TOMM20L: variants seen among roughly 807,000 people sequenced by gnomAD.
TOMM20L encodes the protein TOMM20-like protein 1.
Under a neutral mutation model 20.4 loss-of-function variants are expected in TOMM20L, and 19 were observed. The observed-to-expected ratio is 0.93, with a 90% CI of 0.65 to 1.36. The LOEUF (loss-of-function observed/expected upper bound fraction) is 1.36, where lower values mean the gene tolerates loss of function less well. TOMM20L is among the 40% of genes most tolerant of loss of function. TOMM20L has a pLI of 0.00. For missense variants in TOMM20L, 218 were observed against 203.7 expected, an observed-to-expected ratio of 1.07 and a Z score of -0.43; for synonymous variants, 75 against 79.6, an observed-to-expected ratio of 0.94 and a Z score of 0.30.
At chr14:58,410,878 T>C, downstream of TOMM20L, 1 of 1,613,198 alleles carries the variant, frequency 6.2e-7, no homozygotes, top group Non-Finnish European at 8.5e-7. Flanking sequence ...GTGAAGTCTT[T>C]AACACAGTCC....
At chr14:58,416,984 C>A in the TOMM20L span, among the ~76,000 whole-genome samples, 1 of 152,038 alleles carries the variant, frequency 6.6e-6, no homozygotes, top group African/African-American at 2.4e-5. Flanking sequence ...GTGGGAGGGA[C>A]CTGGTGGGAG....
chr14:58,402,833 T>A (rs2036008707), intron 3 of TOMM20L, 72 bp downstream of exon 3: 1 of 1,152,232 alleles, frequency 8.7e-7, no homozygotes, highest in African/African-American at 1.5e-5. Context: ...TTAGTATTTG[T>A]ATGTCAAATA....
chr14:58,407,942 G>A (rs1335209561), intron 4 of TOMM20L, among the ~76,000 whole-genome samples: 1 of 152,138 alleles, frequency 6.6e-6, no homozygotes, highest in African/African-American at 2.4e-5. Context: ...GGATTCATTA[G>A]GCATAAGACA....
chr14:58,412,121 T>C (rs1326606745), downstream of TOMM20L: 5 of 583,728 alleles, frequency 8.6e-6, no homozygotes, highest in South Asian at 4.4e-5. Flanking sequence ...TTAATGACCA[T>C]AGAACCTTAC....
At chr14:58,402,413 T>G (rs1313465145) in intron 2 of TOMM20L, among the ~76,000 whole-genome samples, 1 of 151,840 alleles carries the variant, frequency 6.6e-6, no homozygotes, top group African/African-American at 2.4e-5. Context: ...CTCGGCCTCC[T>G]GAGTAGCTGG....
intron 3 of TOMM20L, among the ~76,000 whole-genome samples, chr14:58,403,353 C>G (rs778992502): frequency 6.6e-6 from 1 of 151,954 alleles, no homozygotes. Context: ...GACTCTGTCT[C>G]AAGAAAACAA....
intron 1 of TOMM20L, 88 bp downstream of exon 1, chr14:58,396,181 C>A: frequency 1.4e-6 from 2 of 1,414,734 alleles, no homozygotes; most frequent in Non-Finnish European, 1.9e-6. Flanking sequence ...GAGGCCGGGC[C>A]GTGAGTGCCT....
intron 3 of TOMM20L, 43 bp downstream of exon 3, chr14:58,402,804 C>A: frequency 7.3e-7 from 1 of 1,374,854 alleles, no homozygotes; most frequent in Non-Finnish European, 1.0e-6. Flanking sequence ...ACAGCTTATA[C>A]TTGAGAAATA....
downstream of TOMM20L, among the ~76,000 whole-genome samples, chr14:58,410,517 T>C (rs564825472): frequency 6.6e-6 from 1 of 152,304 alleles, no homozygotes; most frequent in Non-Finnish European, 1.5e-5. Flanking sequence ...CCCAGGGCCA[T>C]ACAGAAAGGC....
downstream of TOMM20L, chr14:58,408,949 C>G (rs1180225826): frequency 6.5e-7 from 1 of 1,533,198 alleles, no homozygotes; most frequent in Non-Finnish European, 8.7e-7. Context: ...CTACTGCTTT[C>G]AGGGGATTCT....
At chr14:58,414,334 A>C in the TOMM20L span, among the ~76,000 whole-genome samples, 2 of 150,868 alleles carry the variant, frequency 1.3e-5, no homozygotes, top group Non-Finnish European at 2.9e-5. Flanking sequence ...CCACCATCAC[A>C]AAAAAAAATT....
At chr14:58,409,838 A>C (rs1207639090), downstream of TOMM20L, among the ~76,000 whole-genome samples, 3 of 152,036 alleles carry the variant, frequency 2.0e-5, no homozygotes, top group African/African-American at 7.2e-5. Context: ...TCAGCCTCCC[A>C]ATGTGCTGAA....
chr14:58,409,191 C>G, downstream of TOMM20L: 3 of 1,600,876 alleles, frequency 1.9e-6, no homozygotes, highest in African/African-American at 2.7e-5. Context: ...AGGGAAGATC[C>G]AAGAGGCAAC....
chr14:58,401,158 G>T (rs2035988099), intron 2 of TOMM20L, among the ~76,000 whole-genome samples: 1 of 152,156 alleles, frequency 6.6e-6, no homozygotes, highest in African/African-American at 2.4e-5. Context: ...AGGGGTCTTG[G>T]TCTCCAATTC....
downstream of TOMM20L, among the ~76,000 whole-genome samples, chr14:58,411,222 C>T (rs775914462): frequency 4.6e-5 from 7 of 151,880 alleles, no homozygotes; most frequent in Non-Finnish European, 1.0e-4. Flanking sequence ...CCGAGGTGGG[C>T]GGATTACCTG....
At chr14:58,407,635 T>C (rs2036081887) in intron 4 of TOMM20L, among the ~76,000 whole-genome samples, 167 bp downstream of exon 4, 1 of 152,244 alleles carries the variant, frequency 6.6e-6, no homozygotes, top group South Asian at 2.1e-4. Flanking sequence ...ATTCTTCATT[T>C]TCCTTTGACT....
intron 3 of TOMM20L, among the ~76,000 whole-genome samples, chr14:58,404,081 GTATATATACATATATATGTATATATATA>G (rs2036023235): frequency 1.6e-5 from 1 of 60,654 alleles, no homozygotes; most frequent in Non-Finnish European, 3.3e-5. Flanking sequence ...TCAGTACAAT[GTATATATACATATATATGTATATATATA>G]TATATATATA....
In TOMM20L at chr14:58,396,068, C is replaced by G. The variant is rs1320506666; in HGVS notation, c.111C>G (p.Pro37=). The G allele has an allele frequency of 1.5e-5, 21 of 1,403,432 alleles. No homozygotes were observed. Among genetic ancestry groups the G allele is most frequent in the Non-Finnish European group, 1.6e-5 (17 of 1,074,556 alleles). The allele number at this position is 1,403,432 out of a possible 1,614,324, so 86.9% of individuals were successfully genotyped here. ...IYLNRKRRGD[P]AFKRRLRDKR... is the part of the protein sequence containing the mutation. ...TCAACCGGAAGCGGCGCGGGGACCC[C>G]GCGTTCAAGCGCCGCCTGCGGGACA... Residue 37 remains proline (P), a synonymous_variant, in exon 1 of 5, where the codon CCC becomes CCG. Coordinates refer to ENST00000360945, the MANE Select transcript of TOMM20L (RefSeq NM_207377.3).
chr14:58,415,284 A>G, the TOMM20L span, among the ~76,000 whole-genome samples: 21 of 152,330 alleles, frequency 1.4e-4, no homozygotes, highest in East Asian at 3.7e-3. Flanking sequence ...GCCTCATAAC[A>G]TGATATGCAA....
Sources: gnomAD v4.1 joint callset for allele counts (sites outside exome capture counted in the v4.1 genomes callset) on GRCh38, gnomAD v4.1.1 for gene constraint, MANE v1.5 for transcripts, NCBI Gene and HGNC (gene_info 2026-07-23, HGNC 2026-07-21) for gene names.